ACTN3: variants seen among roughly 807,000 people sequenced by gnomAD.
The protein encoded by ACTN3 is alpha-actinin-3.
Under a neutral mutation model 119.6 loss-of-function variants are expected in ACTN3, and 91 were observed. The ratio of observed to expected loss-of-function variants is 0.76; its 90% CI spans 0.64 to 0.91. The LOEUF (loss-of-function observed/expected upper bound fraction) is 0.91, where lower values mean the gene tolerates loss of function less well. ACTN3 is among the 40% of genes least tolerant of loss of function. The pLI, the probability that ACTN3 is intolerant of heterozygous loss-of-function variation, is 0.00. For synonymous variants in ACTN3, 456 were observed against 478.8 expected (o/e 0.95, Z 0.62); for missense variants, 1,221 against 1,215.1 (o/e 1.00, Z -0.07).
intron 3 of ACTN3, among the ~76,000 whole-genome samples, chr11:66,553,411 C>A (rs552297301): frequency 6.6e-6 from 1 of 151,350 alleles, no homozygotes; most frequent in African/African-American, 2.4e-5. Context: ...AAAAAATTAG[C>A]CGGGTTTGGT....
At position 66,556,195 on chromosome 11, in the gene ACTN3, T is replaced by A. The variant is rs1283343900; in HGVS notation, c.769T>A (p.Ser257Thr). The change falls in exon 8 of 21, where the codon TCC becomes ACC. Residue 257 changes from serine (S) to threonine (T), a missense_variant. Ser to Thr is a moderately conservative substitution (Grantham distance 58). This residue lies in a region of ACTN3 where 934 missense variants were observed against 899.9 expected (regional missense o/e 1.04). Transcript: ENST00000513398. ...PDEKAIMTYVSCFYHAFAGAE... is the reference protein window; with the variant it reads ...PDEKAIMTYVTCFYHAFAGAE... Reference sequence around the variant, plus strand: ...TGAGAAGGCCATCATGACCTATGTGTCCTGCTTCTACCATGCCTTTGCCGG... The same window carrying A: ...TGAGAAGGCCATCATGACCTATGTGACCTGCTTCTACCATGCCTTTGCCGG... 1 of 1,613,934 alleles carries A rather than the reference T, an allele frequency of 6.2e-7. No individual in the cohort carries two copies. Among genetic ancestry groups the A allele is most frequent in the Admixed American group, 1.7e-5 (1 of 60,012 alleles).
intron 1 of ACTN3, among the ~76,000 whole-genome samples, chr11:66,549,234 G>A (rs1252339730): frequency 6.6e-6 from 1 of 152,176 alleles, no homozygotes; most frequent in Admixed American, 6.6e-5. Flanking sequence ...GCCCCTGCCT[G>A]AAATGCCCTT....
intron 1 of ACTN3, among the ~76,000 whole-genome samples, chr11:66,548,209 G>A (rs376696968): frequency 1.3e-5 from 2 of 152,070 alleles, no homozygotes; most frequent in African/African-American, 2.4e-5. Flanking sequence ...CCGCTGACTC[G>A]GCTGGGGTGC....
chr11:66,547,262 G>T (rs1001519411), intron 1 of ACTN3, 178 bp downstream of exon 1: 14 of 434,392 alleles, frequency 3.2e-5, no homozygotes, highest in Non-Finnish European at 4.3e-5. Context: ...AGGGCTGGGA[G>T]CCCTCAAGAG....
At position 66,551,298 on chromosome 11, in the gene ACTN3, C is replaced by T. The variant is rs750610154; in HGVS notation, c.207C>T (p.Ile69=). Reference sequence around the variant, plus strand: ...AGGCAGGCACCCAGATCGAGAACATCGAGGAAGATTTCCGCAATGGCCTCA... The same window carrying T: ...AGGCAGGCACCCAGATCGAGAACATTGAGGAAGATTTCCGCAATGGCCTCA... The part of the protein sequence containing the change: ...LRKAGTQIEN[I]EEDFRNGLKL... The change falls in exon 2 of 21, where the codon ATC becomes ATT. Residue 69 remains isoleucine, a synonymous_variant. Coordinates refer to ENST00000513398, the MANE Select transcript of ACTN3 (RefSeq NM_001104.4). 2.9e-5 allele frequency: 46 copies of T among 1,612,432 alleles called. No homozygotes were observed. Among genetic ancestry groups the T allele is most frequent in the Admixed American group, 6.7e-5 (4 of 59,782 alleles).
chr11:66,561,526 G>C lies in ACTN3; in HGVS notation c.2064G>C (p.Gln688His). The C allele has an allele frequency of 1.9e-6, 3 of 1,609,182 alleles. No individual in the cohort carries two copies. Among genetic ancestry groups the C allele is most frequent in the Non-Finnish European group, 2.5e-6 (3 of 1,177,844 alleles). The change falls in exon 17 of 21, where the codon CAG becomes CAC. Residue 688 changes from glutamine (Q) to histidine (H), a missense_variant. This residue lies in a region of ACTN3 where 934 missense variants were observed against 899.9 expected (regional missense o/e 1.04). Coordinates refer to ENST00000513398, the MANE Select transcript of ACTN3 (RefSeq NM_001104.4). The stretch of plus-strand genomic sequence containing the variant: ...AGCAGATGGCTGGGCTACGGCAGCA[G>C]GAGCAGAACATTATCAACTACAAGA... ...LEEQMAGLRQQEQNIINYKTN... is the reference protein window; with the variant it reads ...LEEQMAGLRQHEQNIINYKTN...
Position 66,561,560 on chromosome 11 carries a change from G to C in ACTN3, c.2098G>C (p.Asp700His), listed in dbSNP as rs750713688. 4.3e-6 allele frequency: 7 copies of C among 1,612,646 alleles called. No homozygotes were observed. In the East Asian group the frequency reaches 1.6e-4, roughly 36 times the overall value. The change falls in exon 17 of 21, where the codon GAC (aspartate) becomes CAC (histidine). Residue 700 changes from aspartate (D) to histidine (H), a missense_variant. By Grantham distance (81) the Asp-to-His change is moderately conservative. Coordinates refer to ENST00000513398, the MANE Select transcript of ACTN3 (RefSeq NM_001104.4). Reference protein sequence around the residue: ...QNIINYKTNIDRLEGDHQLLQ... With the variant: ...QNIINYKTNIHRLEGDHQLLQ... ...CATTATCAACTACAAGACTAACATTGACCGGCTGGAGGGTGACCACCAGCT... is the reference window on the plus strand; with the variant it reads ...CATTATCAACTACAAGACTAACATTCACCGGCTGGAGGGTGACCACCAGCT...
At chr11:66,546,858 G>A, upstream of ACTN3, 1 of 1,505,366 alleles carries the variant, frequency 6.6e-7, no homozygotes, top group African/African-American at 1.4e-5. Context: ...ATTCGATCTG[G>A]GGCTGGGCTG....
intron 12 of ACTN3, among the ~76,000 whole-genome samples, chr11:66,559,611 C>G (rs1030501579): frequency 2.0e-5 from 3 of 150,256 alleles, no homozygotes; most frequent in African/African-American, 7.4e-5. Flanking sequence ...CTTGACCTGT[C>G]TCACTCCGTG....
intron 11 of ACTN3, 73 bp downstream of exon 11, chr11:66,558,247 G>C: frequency 1.3e-6 from 2 of 1,580,652 alleles, no homozygotes; most frequent in Non-Finnish European, 1.7e-6. Flanking sequence ...AGGAGGGGAG[G>C]TTCTTGGCAA....
chr11:66,551,636 T>C lies in ACTN3; in HGVS notation c.371T>C (p.Ile124Thr), dbSNP rs370614471. The change falls in exon 3 of 21, where the codon ATT becomes ACT. Residue 124 changes from isoleucine (I) to threonine (T), a missense_variant. Transcript: ENST00000513398. ...AGCAAGGGGGTTAAACTGGTGTCCATTGGTGCTGAAGGTGAGGAGGTGGCA... is the reference window on the plus strand; with the variant it reads ...AGCAAGGGGGTTAAACTGGTGTCCACTGGTGCTGAAGGTGAGGAGGTGGCA... ...IASKGVKLVS[I>T]GAEEIVDGNL... 7 of 1,613,514 alleles carry C rather than the reference T, an allele frequency of 4.3e-6. No individual in the cohort carries two copies. The highest frequency in any genetic ancestry group is 5.9e-6 in the Non-Finnish European group (7 of 1,180,016).
At chr11:66,551,182 G>A in intron 1 of ACTN3, 57 bp from the exon 2 acceptor site, 1 of 1,263,286 alleles carries the variant, frequency 7.9e-7, no homozygotes, top group Non-Finnish European at 1.1e-6. Context: ...AGACAGGACT[G>A]TGCCCTACAT....
intron 11 of ACTN3, 157 bp from the exon 12 acceptor site, chr11:66,559,079 C>A: frequency 1.4e-6 from 1 of 711,366 alleles, no homozygotes; most frequent in Non-Finnish European, 2.0e-6. Flanking sequence ...GGACTTTCAC[C>A]TACGTTATTA....
intron 3 of ACTN3, among the ~76,000 whole-genome samples, chr11:66,552,161 C>T (rs1248473550): frequency 2.6e-5 from 4 of 151,378 alleles, no homozygotes; most frequent in African/African-American, 4.9e-5. Context: ...GTGGGGCTCA[C>T]GAGGTCAGGA....
In ACTN3 at chr11:66,560,274, A is replaced by G; in HGVS notation, c.1640A>G (p.Gln547Arg). 1 of 1,613,370 alleles carries G rather than the reference A, an allele frequency of 6.2e-7. No homozygotes were observed. The highest frequency in any genetic ancestry group is 1.1e-5 in the South Asian group (1 of 90,836). The stretch of plus-strand genomic sequence containing the variant: ...CTGGATGGTGCCGTGGAGGACCTGC[A>G]GGACGTGTGGCTGGTACACTCTGTG... ...NWLDGAVEDL[Q>R]DVWLVHSVEE... Residue 547 changes from glutamine to arginine, a missense_variant, in exon 14 of 21, where the codon CAG (glutamine) becomes CGG (arginine). By Grantham distance (43) the Gln-to-Arg change is conservative. Transcript: ENST00000513398.
intron 9 of ACTN3, among the ~76,000 whole-genome samples, 166 bp from the exon 10 acceptor site, chr11:66,557,532 TC>T (rs1173094133): frequency 6.6e-6 from 1 of 152,228 alleles, no homozygotes; most frequent in Non-Finnish European, 1.5e-5. Context: ...AAATCAACCA[TC>T]CCACTTCTTC....
At chr11:66,550,592 G>C (rs914228020) in intron 1 of ACTN3, among the ~76,000 whole-genome samples, 13 of 152,134 alleles carry the variant, frequency 8.5e-5, no homozygotes, top group African/African-American at 2.7e-4. Flanking sequence ...GAGGCAGGAG[G>C]ATCACTTGAG....
upstream of ACTN3, chr11:66,546,506 G>C: frequency 1.1e-5 from 17 of 1,533,074 alleles, no homozygotes; most frequent in Non-Finnish European, 1.5e-5. Flanking sequence ...GTTCCTGACT[G>C]TGAAATGGGG....
Position 66,551,845 on chromosome 11 carries a change from G to A in ACTN3, c.382+198G>A, listed in dbSNP as rs560696731. On this transcript the variant is annotated intron_variant, in intron 3 of 20. Transcript: ENST00000513398. Reference sequence around the variant, plus strand: ...AATCTCGGCACTTTGGGAGGCCAAGGCCAGTGGACTGCTTGAGGCTAGGAG... The same window carrying A: ...AATCTCGGCACTTTGGGAGGCCAAGACCAGTGGACTGCTTGAGGCTAGGAG... 18 of 285,564 alleles carry A rather than the reference G, an allele frequency of 6.3e-5. No individual in the cohort carries two copies. In the South Asian group the frequency reaches 6.5e-4, roughly 10 times the overall value. The allele number at this position is 285,564 out of a possible 1,614,324, so 17.7% of individuals were successfully genotyped here.
Sources: allele counts gnomAD v4.1 joint callset (sites outside exome capture counted in the v4.1 genomes callset), GRCh38; gene constraint gnomAD v4.1.1; regional missense constraint gnomAD v4.1.1; transcripts MANE v1.5; gene names NCBI Gene and HGNC (gene_info 2026-07-23, HGNC 2026-07-21).